The following GOSR1 variants were observed in gnomAD, a reference collection of about 807,000 sequenced individuals.
GOSR1 encodes the protein 28 kDa Golgi SNARE protein.
In GOSR1, 21 loss-of-function variants were observed where a neutral mutation model predicts 35.5. The ratio of observed to expected loss-of-function variants is 0.59; its 90% CI spans 0.42 to 0.85. GOSR1 has a LOEUF of 0.85. GOSR1 is among the 40% of genes least tolerant of loss of function. The pLI, the probability that GOSR1 is intolerant of heterozygous loss-of-function variation, is 0.00. For missense variants in GOSR1, 285 were observed against 309.6 expected, an observed-to-expected ratio of 0.92 and a Z score of 0.60; for synonymous variants, 94 against 106.6, an observed-to-expected ratio of 0.88 and a Z score of 0.73.
At chr17:30,502,866 A>C (rs1967264955) in intron 6 of GOSR1, among the ~76,000 whole-genome samples, 1 of 152,252 alleles carries the variant, frequency 6.6e-6, no homozygotes, top group Non-Finnish European at 1.5e-5. Context: ...TATTCAGTTA[A>C]CATAATTGAA....
In GOSR1 at chr17:30,522,967, C is replaced by T. The variant is rs540924437; in HGVS notation, c.*589C>T. On this transcript the variant is annotated 3_prime_UTR_variant, in exon 9 of 9. Transcript: ENST00000451249. ...AGTGCCTGCAATTGCAGGCGAGCGC[C>T]GCCACGCCTGACTGCCTCGGCCTCC... 11 of 211,316 alleles carry T rather than the reference C, an allele frequency of 5.2e-5. No individual in the cohort carries two copies. In the East Asian group the frequency reaches 6.5e-4, roughly 13 times the overall value. The allele number at this position is 211,316 out of a possible 1,614,324, so 13.1% of individuals were successfully genotyped here.
intron 5 of GOSR1, among the ~76,000 whole-genome samples, chr17:30,491,625 C>G (rs1220830899): frequency 4.0e-5 from 6 of 151,760 alleles, no homozygotes; most frequent in Non-Finnish European, 4.4e-5. Flanking sequence ...TGCCACTGCA[C>G]TCTAGCCTGG....
Position 30,508,202 on chromosome 17 carries a change from C to G in GOSR1, c.510-2678C>G, listed in dbSNP as rs185168642. ...GAGTATTAGCTATCATTATTCTTAA[C>G]AAAATTAGTAAATTAATAGATTGTT... On this transcript the variant is annotated intron_variant, in intron 6 of 8. Transcript: ENST00000451249. Among the ~76,000 whole-genome samples the G allele has an allele frequency of 7.9e-5, 12 of 152,244 alleles. No individual in the cohort carries two copies. The East Asian group carries it at 2.1e-3, about 27-fold the overall frequency.
intron 6 of GOSR1, among the ~76,000 whole-genome samples, chr17:30,498,189 G>T (rs2143753127): frequency 6.7e-6 from 1 of 148,152 alleles, no homozygotes; most frequent in Admixed American, 6.8e-5. Flanking sequence ...TAAAATTTCA[G>T]TTGCATTCCA....
chr17:30,519,672 T>C (rs548779735), intron 7 of GOSR1: 1 of 303,568 alleles, frequency 3.3e-6, no homozygotes, highest in East Asian at 5.8e-5. Context: ...GATTTGTCTG[T>C]TTATGCCTTA....
chr17:30,506,724 A>G (rs1383870625), intron 6 of GOSR1, among the ~76,000 whole-genome samples: 1 of 152,250 alleles, frequency 6.6e-6, no homozygotes, highest in East Asian at 1.9e-4. Context: ...AGAAGATGCC[A>G]TTTAGGACTT....
At chr17:30,488,827 C>G (rs569799826) in intron 4 of GOSR1, among the ~76,000 whole-genome samples, 1 of 152,008 alleles carries the variant, frequency 6.6e-6, no homozygotes, top group Non-Finnish European at 1.5e-5. Context: ...CATGAGCCAC[C>G]CTGCCTAGTC....
rs779901868 is a variant in GOSR1, at chr17:30,522,340, A to T, written c.709A>T (p.Ile237Phe). The T allele has an allele frequency of 5.6e-6, 9 of 1,608,100 alleles. No homozygotes were observed. Among genetic ancestry groups the T allele is most frequent in the East Asian group, 2.2e-5 (1 of 44,586 alleles). Reference sequence around the variant, plus strand: ...GCTCATCCTAGGGGGTGTTATTGGGATCTGTACCATCCTGTTGCTGCTGTA... The same window carrying T: ...GCTCATCCTAGGGGGTGTTATTGGGTTCTGTACCATCCTGTTGCTGCTGTA... ...DSLILGGVIG[I>F]CTILLLLYAF... Residue 237 changes from isoleucine (I) to phenylalanine (F), a missense_variant, in exon 9 of 9, where the codon ATC becomes TTC. Physicochemically the swap from Ile to Phe is conservative, Grantham distance 21. Transcript: ENST00000451249.
At chr17:30,515,907 G>A (rs1200271597) in intron 7 of GOSR1, among the ~76,000 whole-genome samples, 1 of 152,148 alleles carries the variant, frequency 6.6e-6, no homozygotes, top group Non-Finnish European at 1.5e-5. Context: ...AAAACACATA[G>A]GAAATCAGGA....
chr17:30,487,454 T>C (rs1914746409), intron 4 of GOSR1, among the ~76,000 whole-genome samples: 2 of 151,954 alleles, frequency 1.3e-5, no homozygotes, highest in Admixed American at 6.6e-5. Context: ...CACAGAGATA[T>C]AATAGAAATA....
intron 1 of GOSR1, chr17:30,477,807 A>G: frequency 1.0e-6 from 1 of 985,320 alleles, no homozygotes; most frequent in Non-Finnish European, 1.2e-6. Context: ...CTCTGAGAGG[A>G]AACGAATGTT....
intron 7 of GOSR1, among the ~76,000 whole-genome samples, chr17:30,519,161 A>G (rs1567918356): frequency 2.6e-5 from 4 of 152,058 alleles, no homozygotes; most frequent in East Asian, 1.9e-4. Context: ...CCTGGGCTCA[A>G]TTGATCCTCT....
intron 8 of GOSR1, among the ~76,000 whole-genome samples, chr17:30,521,895 C>T (rs1597803785): frequency 6.6e-6 from 1 of 152,162 alleles, no homozygotes; most frequent in East Asian, 1.9e-4. Context: ...ATGCCTGTGC[C>T]TCCCTGCCAG....
chr17:30,513,217 A>G (rs569969013), intron 7 of GOSR1, among the ~76,000 whole-genome samples: 1 of 152,330 alleles, frequency 6.6e-6, no homozygotes, highest in East Asian at 1.9e-4. Flanking sequence ...AAGAACTAGC[A>G]TTTTTAACAT....
In GOSR1 at chr17:30,523,074, G is replaced by A; in HGVS notation, c.*696G>A. The A allele has an allele frequency of 1.7e-5, 3 of 176,866 alleles. No individual in the cohort carries two copies. Among genetic ancestry groups the A allele is most frequent in the South Asian group, 9.2e-5 (1 of 10,854 alleles). 11.0% of individuals were successfully genotyped at this position (176,866 alleles called of 1,614,324 possible). A position where few individuals can be genotyped will look rare whatever the true frequency, so the allele number is the denominator to read the frequency against. On this transcript the variant is annotated 3_prime_UTR_variant, in exon 9 of 9. Coordinates refer to ENST00000451249, the MANE Select transcript of GOSR1 (RefSeq NM_001007025.2). ...GCTGGAGTGCAGTGGCGTGATCTCG[G>A]CTCACTACAACCTCCACCTCCCAGC...
chr17:30,492,652 G>T, intron 5 of GOSR1, 27 bp from the exon 6 acceptor site: 2 of 1,357,654 alleles, frequency 1.5e-6, no homozygotes, highest in Non-Finnish European at 2.1e-6. Context: ...TGCCAAAAAT[G>T]TTTTTAAATT....
In GOSR1 at chr17:30,490,681, G is replaced by A. The variant is rs866379921; in HGVS notation, c.434+464G>A. Among the ~76,000 whole-genome samples, 8 of 152,178 alleles carry A rather than the reference G, an allele frequency of 5.3e-5. No homozygotes were observed. The South Asian group carries it at 1.5e-3, about 28-fold the overall frequency. On this transcript the variant is annotated intron_variant, in intron 5 of 8. Transcript: ENST00000451249. ...TCCCAACAGTTACATATTACAAACAGTAATATGTACAAACTCACTCATAGC... is the reference window on the plus strand; with the variant it reads ...TCCCAACAGTTACATATTACAAACAATAATATGTACAAACTCACTCATAGC...
At chr17:30,520,879 T>G (rs1425129654) in intron 8 of GOSR1, among the ~76,000 whole-genome samples, 1 of 152,236 alleles carries the variant, frequency 6.6e-6, no homozygotes, top group Non-Finnish European at 1.5e-5. Context: ...ACCACATGTC[T>G]AAAATCACAT....
chr17:30,483,949 A>G (rs1334092764), intron 2 of GOSR1, among the ~76,000 whole-genome samples: 1 of 152,242 alleles, frequency 6.6e-6, no homozygotes, highest in Non-Finnish European at 1.5e-5. Context: ...AGTATTCGTT[A>G]GCTAGTTATC....
Sources: gnomAD v4.1 joint callset for allele counts (sites outside exome capture counted in the v4.1 genomes callset) on GRCh38, gnomAD v4.1.1 for gene constraint, MANE v1.5 for transcripts, NCBI Gene and HGNC (gene_info 2026-07-23, HGNC 2026-07-21) for gene names.